Variants in SLC4A10 observed in about 807,000 individuals in gnomAD.
The protein encoded by SLC4A10 is solute carrier family 4 member 10.
SLC4A10 carries 42 observed loss-of-function variants against 137.7 expected under a neutral mutation model. The observed-to-expected ratio is 0.30, with a 90% CI of 0.24 to 0.39. SLC4A10 has a LOEUF of 0.39. Among genes scored for constraint, SLC4A10 ranks in the 10% least tolerant of loss-of-function variants. The pLI is 1.00. For missense variants in SLC4A10, 925 were observed against 1,355.0 expected (o/e 0.68, Z 4.98); for synonymous variants, 474 against 464.1 (o/e 1.02, Z -0.27).
chr2:161,908,638 C>A (rs557455693), intron 15 of SLC4A10, among the ~76,000 whole-genome samples: 91 of 147,428 alleles, frequency 6.2e-4, no homozygotes, highest in African/African-American at 2.2e-3. Flanking sequence ...GGAAAGGAGG[C>A]AGAATGGGAA....
chr2:161,696,934 T>C, intron 1 of SLC4A10, among the ~76,000 whole-genome samples: 1 of 152,114 alleles, frequency 6.6e-6, no homozygotes, highest in East Asian at 1.9e-4. Flanking sequence ...AGTGTAAAAG[T>C]GTTCCTATTT....
chr2:161,663,959 C>T (rs1385308497), intron 1 of SLC4A10, among the ~76,000 whole-genome samples: 1 of 151,900 alleles, frequency 6.6e-6, no homozygotes, highest in African/African-American at 2.4e-5. Context: ...TGTTTTCCTC[C>T]TGCCAAGAAA....
In SLC4A10 at chr2:161,946,514, G is replaced by A. The variant is rs576423582; in HGVS notation, c.2104-1052G>A. Among the ~76,000 whole-genome samples the A allele has an allele frequency of 3.3e-3, 509 of 152,114 alleles. 4 individuals are homozygous for A. The highest frequency in any genetic ancestry group is 0.012 in the African/African-American group (483 of 41,514). On this transcript the variant is annotated intron_variant, in intron 16 of 26. Coordinates refer to ENST00000446997, the MANE Select transcript of SLC4A10 (RefSeq NM_001178015.2). ...AAGATCTCTCTGCAATTCAATTTAT[G>A]TTCAGGGCAAGAATATCTCAAGGAC...
intron 13 of SLC4A10, 128 bp from the exon 14 acceptor site, chr2:161,904,648 G>GC (rs1683921527): frequency 2.7e-6 from 3 of 1,123,246 alleles, no homozygotes; most frequent in Non-Finnish European, 2.5e-6. Context: ...CCCACGTCTT[G>GC]CCCAGGGTTG....
intron 4 of SLC4A10, among the ~76,000 whole-genome samples, chr2:161,841,004 G>A (rs182124778): frequency 2.6e-5 from 4 of 152,216 alleles, no homozygotes. Context: ...GAAAAGCAGA[G>A]GGGACAGTAT....
intron 15 of SLC4A10, among the ~76,000 whole-genome samples, chr2:161,922,196 G>T (rs574970945): frequency 6.6e-6 from 1 of 152,084 alleles, no homozygotes; most frequent in Non-Finnish European, 1.5e-5. Context: ...TTTGAATGAA[G>T]ATAAATTTGA....
intron 10 of SLC4A10, among the ~76,000 whole-genome samples, chr2:161,888,108 G>A (rs1014511597): frequency 1.3e-5 from 2 of 152,158 alleles, no homozygotes; most frequent in Non-Finnish European, 2.9e-5. Context: ...AGATCAGGTG[G>A]TTGTAGATAA....
At chr2:161,680,550 C>T (rs1198681502) in intron 1 of SLC4A10, among the ~76,000 whole-genome samples, 1 of 151,294 alleles carries the variant, frequency 6.6e-6, no homozygotes, top group East Asian at 2.0e-4. Context: ...GGTCAGATTA[C>T]GGAGGACCTT....
intron 11 of SLC4A10, among the ~76,000 whole-genome samples, chr2:161,896,296 A>G (rs1188099264): frequency 6.6e-6 from 1 of 151,872 alleles, no homozygotes; most frequent in Non-Finnish European, 1.5e-5. Context: ...TACCAGTACC[A>G]TGCTGTTTTG....
intron 1 of SLC4A10, chr2:161,709,767 C>A (rs144431458): frequency 3.3e-3 from 498 of 151,696 alleles, no homozygotes; most frequent in African/African-American, 0.011. Flanking sequence ...TACAGCATGT[C>A]CTCAGAATTA....
chr2:161,704,555 C>T (rs963112658), intron 1 of SLC4A10, among the ~76,000 whole-genome samples: 8 of 151,430 alleles, frequency 5.3e-5, no homozygotes, highest in African/African-American at 1.9e-4. Context: ...ACAATGAAGT[C>T]TGTAGGTATA....
chr2:161,695,952 G>A (rs1022062161), intron 1 of SLC4A10, among the ~76,000 whole-genome samples: 1 of 151,980 alleles, frequency 6.6e-6, no homozygotes, highest in Non-Finnish European at 1.5e-5. Flanking sequence ...TAGGGTACAT[G>A]TGCACAACGT....
At chr2:161,976,649 G>A (rs1699423732) in intron 24 of SLC4A10, 111 bp from the exon 25 acceptor site, 4 of 514,302 alleles carry the variant, frequency 7.8e-6, no homozygotes, top group Non-Finnish European at 1.3e-5. Context: ...TAAAAATTGG[G>A]AAAAATATTC....
intron 1 of SLC4A10, among the ~76,000 whole-genome samples, chr2:161,767,655 T>C (rs73017129): frequency 2.4e-3 from 366 of 152,138 alleles, no homozygotes; most frequent in African/African-American, 7.8e-3. Flanking sequence ...TCATCTGAAA[T>C]TAAAACTGGT....
chr2:161,931,365 A>C (rs1030126569), intron 15 of SLC4A10: 1 of 152,288 alleles, frequency 6.6e-6, no homozygotes, highest in Non-Finnish European at 1.5e-5. Context: ...CGTTTCATCC[A>C]GCTGCAAATA....
At chr2:161,670,851 A>G (rs1324772946) in intron 1 of SLC4A10, among the ~76,000 whole-genome samples, 5 of 152,070 alleles carry the variant, frequency 3.3e-5, no homozygotes, top group African/African-American at 1.2e-4. Context: ...TCCCTCTTCT[A>G]TGCAGCTTTT....
At chr2:161,957,300 T>C in intron 20 of SLC4A10, 60 bp downstream of exon 20, 5 of 1,527,340 alleles carry the variant, frequency 3.3e-6, no homozygotes, top group Non-Finnish European at 4.4e-6. Flanking sequence ...CATTTAAAAT[T>C]TTCATTTGAA....
At chr2:161,713,541 T>C (rs1465651506) in intron 1 of SLC4A10, among the ~76,000 whole-genome samples, 2 of 151,828 alleles carry the variant, frequency 1.3e-5, no homozygotes, top group African/African-American at 4.8e-5. Flanking sequence ...TTGTCCGTGA[T>C]GTAAACTCCA....
At chr2:161,879,060 AC>A (rs1187419022) in intron 8 of SLC4A10, 70 bp from the exon 9 acceptor site, 4 of 1,367,654 alleles carry the variant, frequency 2.9e-6, no homozygotes, top group Non-Finnish European at 4.1e-6. Context: ...TATGTGAAGC[AC>A]TGTGCAAGAA....
Sources: allele counts gnomAD v4.1 joint callset (sites outside exome capture counted in the v4.1 genomes callset), GRCh38; gene constraint gnomAD v4.1.1; transcripts MANE v1.5; gene names NCBI Gene and HGNC (gene_info 2026-07-23, HGNC 2026-07-21).